PHLPP1: variants seen among roughly 807,000 people sequenced by gnomAD.
PHLPP1 encodes PH domain and leucine rich repeat protein phosphatase 1.
In PHLPP1, 42 loss-of-function variants were observed where a neutral mutation model predicts 117.2. That is an observed-to-expected ratio of 0.36 (90% confidence interval 0.28 to 0.46). PHLPP1 has a LOEUF of 0.46. Among genes scored for constraint, PHLPP1 ranks in the 20% least tolerant of loss-of-function variants. PHLPP1 has a pLI of 1.00. For missense variants in PHLPP1, 2,084 were observed against 2,241.9 expected, an observed-to-expected ratio of 0.93 and a Z score of 1.42; for synonymous variants, 1,042 against 970.7, an observed-to-expected ratio of 1.07 and a Z score of -1.37.
intron 8 of PHLPP1, among the ~76,000 whole-genome samples, chr18:62,912,890 G>C (rs1227132021): frequency 6.6e-6 from 1 of 152,160 alleles, no homozygotes; most frequent in East Asian, 1.9e-4. Flanking sequence ...CAAAGGGCTG[G>C]GATTATAGGC....
intron 2 of PHLPP1, chr18:62,838,042 T>TA (rs1914955615): frequency 6.6e-6 from 1 of 151,894 alleles, no homozygotes; most frequent in Non-Finnish European, 1.5e-5. Context: ...TATCAAAAGA[T>TA]ACACGAGTTC....
chr18:62,940,281 T>G lies in PHLPP1; in HGVS notation c.2961-1437T>G, dbSNP rs542320400. Among the ~76,000 whole-genome samples the G allele has an allele frequency of 1.2e-4, 18 of 152,010 alleles. No homozygotes were observed. In the South Asian group the frequency reaches 3.5e-3, roughly 30 times the overall value. On this transcript the variant is annotated intron_variant, in intron 10 of 16. Coordinates refer to ENST00000262719, the MANE Select transcript of PHLPP1 (RefSeq NM_194449.4). ...AATCACCGTGGAGGATTTTTTTTTT[T>G]TTGGGCAATTTTACTTATCTTAGTT...
chr18:62,928,439 G>A (rs1196399279), intron 10 of PHLPP1, among the ~76,000 whole-genome samples: 1 of 152,092 alleles, frequency 6.6e-6, no homozygotes, highest in Non-Finnish European at 1.5e-5. Flanking sequence ...TAGCCATTGG[G>A]GAAATGTAAA....
At chr18:62,813,152 C>T (rs1914171954) in intron 1 of PHLPP1, among the ~76,000 whole-genome samples, 1 of 152,134 alleles carries the variant, frequency 6.6e-6, no homozygotes, top group African/African-American at 2.4e-5. Flanking sequence ...GAGGCTGCCC[C>T]AACTCACTAT....
intron 9 of PHLPP1, among the ~76,000 whole-genome samples, chr18:62,917,283 T>C (rs1909318109): frequency 1.3e-5 from 2 of 151,334 alleles, no homozygotes; most frequent in South Asian, 4.2e-4. Context: ...CCTCCCAAAT[T>C]TGTTGATCTT....
chr18:62,725,005 TAAAA>T (rs148517820), intron 1 of PHLPP1, among the ~76,000 whole-genome samples: 2 of 152,128 alleles, frequency 1.3e-5, no homozygotes, highest in Non-Finnish European at 2.9e-5. Context: ...ATCATTGAAT[TAAAA>T]AAATAATTTG....
chr18:62,789,543 A>G (rs973144807), intron 1 of PHLPP1, among the ~76,000 whole-genome samples: 6 of 152,010 alleles, frequency 3.9e-5, no homozygotes, highest in African/African-American at 1.4e-4. Context: ...CTCTGCCTCA[A>G]TGGTGTAGGT....
At chr18:62,921,431 C>T (rs761389995) in intron 10 of PHLPP1, among the ~76,000 whole-genome samples, 9 of 152,124 alleles carry the variant, frequency 5.9e-5, no homozygotes, top group Non-Finnish European at 7.4e-5. Context: ...TCTCCTAAGC[C>T]GAATTAGATT....
intron 1 of PHLPP1, among the ~76,000 whole-genome samples, chr18:62,804,820 CTG>C (rs1390458171): frequency 3.4e-5 from 5 of 147,156 alleles, no homozygotes; most frequent in South Asian, 2.1e-4. Context: ...ATAATATACA[CTG>C]TATATATTAT....
At chr18:62,973,587 G>A (rs1190446199) in intron 15 of PHLPP1, among the ~76,000 whole-genome samples, 1 of 152,126 alleles carries the variant, frequency 6.6e-6, no homozygotes, top group Non-Finnish European at 1.5e-5. Flanking sequence ...GTGGTGTCTG[G>A]GGAGGAGTGT....
chr18:62,848,257 C>T (rs976533908), intron 3 of PHLPP1, among the ~76,000 whole-genome samples: 4 of 152,088 alleles, frequency 2.6e-5, no homozygotes, highest in African/African-American at 9.7e-5. Flanking sequence ...CTTTTGCTCC[C>T]TCAACTTGTT....
chr18:62,956,870 A>G (rs1187292297), intron 12 of PHLPP1, among the ~76,000 whole-genome samples: 3 of 152,184 alleles, frequency 2.0e-5, no homozygotes, highest in Non-Finnish European at 4.4e-5. Flanking sequence ...ATATTTACCC[A>G]AAAATACAGG....
intron 14 of PHLPP1, among the ~76,000 whole-genome samples, chr18:62,970,971 C>G (rs143382524): frequency 9.8e-4 from 149 of 152,146 alleles, no homozygotes; most frequent in African/African-American, 3.3e-3. Flanking sequence ...CTTTATTTCC[C>G]CTTAACTTTT....
chr18:62,752,776 T>C (rs1444719481), intron 1 of PHLPP1, among the ~76,000 whole-genome samples: 1 of 152,222 alleles, frequency 6.6e-6, no homozygotes, highest in Non-Finnish European at 1.5e-5. Context: ...TTCAAAACTT[T>C]TGGGATCATT....
chr18:62,727,003 G>A (rs1161406455), intron 1 of PHLPP1, among the ~76,000 whole-genome samples: 3 of 151,658 alleles, frequency 2.0e-5, no homozygotes, highest in African/African-American at 7.3e-5. Context: ...CGAGGTAGGT[G>A]GATCACCTGA....
At chr18:62,915,059 A>T (rs1231578037) in intron 9 of PHLPP1, 51 bp downstream of exon 9, 16 of 1,317,514 alleles carry the variant, frequency 1.2e-5, no homozygotes, top group Non-Finnish European at 1.5e-5. Context: ...GAGCAATTTT[A>T]AAAATTGCTG....
At chr18:62,765,839 C>CAA (rs543950865) in intron 1 of PHLPP1, among the ~76,000 whole-genome samples, 2 of 149,004 alleles carry the variant, frequency 1.3e-5, no homozygotes, top group Non-Finnish European at 3.0e-5. Context: ...ACTAAAATTA[C>CAA]AAAAAAAAAT....
intron 1 of PHLPP1, among the ~76,000 whole-genome samples, chr18:62,773,644 A>T (rs931318594): frequency 1.3e-5 from 2 of 152,170 alleles, no homozygotes; most frequent in African/African-American, 4.8e-5. Context: ...AATGTAGTGT[A>T]TCTCCACCCT....
intron 4 of PHLPP1, among the ~76,000 whole-genome samples, chr18:62,874,246 G>A (rs563021220): frequency 9.9e-5 from 15 of 150,996 alleles, no homozygotes; most frequent in African/African-American, 3.6e-4. Flanking sequence ...GGTGACTCAC[G>A]CCTGTAATCC....
Sources: allele counts gnomAD v4.1 joint callset (sites outside exome capture counted in the v4.1 genomes callset), GRCh38; gene constraint gnomAD v4.1.1; transcripts MANE v1.5; gene names NCBI Gene and HGNC (gene_info 2026-07-23, HGNC 2026-07-21).